The following AVPI1 variants were observed in gnomAD, a reference collection of about 807,000 sequenced individuals.
The protein encoded by AVPI1 is arginine vasopressin induced 1.
AVPI1 carries 9 observed loss-of-function variants against 11.9 expected under a neutral mutation model. That is an observed-to-expected ratio of 0.76 (90% confidence interval 0.46 to 1.32). AVPI1 has a LOEUF of 1.32. AVPI1 is among the 40% of genes most tolerant of loss of function. The probability of loss-of-function intolerance (pLI) is 0.00; values close to 1 mark genes in which losing one functional copy is unlikely to be tolerated. For missense variants in AVPI1, 207 were observed against 195.8 expected, an observed-to-expected ratio of 1.06 and a Z score of -0.34; for synonymous variants, 68 against 78.1, an observed-to-expected ratio of 0.87 and a Z score of 0.68.
chr10:97,680,280 T>C (rs1223920739), intron 1 of AVPI1, among the ~76,000 whole-genome samples: 3 of 152,154 alleles, frequency 2.0e-5, no homozygotes, highest in Non-Finnish European at 4.4e-5. Flanking sequence ...CAGTAGCAGC[T>C]CAACTGTGTT....
chr10:97,681,900 A>G (rs1461079174), intron 1 of AVPI1, among the ~76,000 whole-genome samples: 1 of 151,096 alleles, frequency 6.6e-6, no homozygotes, highest in Non-Finnish European at 1.5e-5. Context: ...AAAAGAAAAA[A>G]AAAAAAAAAA....
In AVPI1 at chr10:97,679,682, C is replaced by T. The variant is rs145546193; in HGVS notation, c.224G>A (p.Arg75His). ...HRVAEALKRL[R>H]RKRPPRQKPL... ...TTTCTGCCTTGGGGGCCTCTTCCTG[C>T]GCAGCCTCTTGAGGGCCTCAGCCAC... Residue 75 changes from arginine (R) to histidine (H), a missense_variant, in exon 2 of 3, where the codon CGC becomes CAC. By Grantham distance (29) the Arg-to-His change is conservative. Transcript: ENST00000370626. The T allele has an allele frequency of 1.9e-4, 309 of 1,613,972 alleles. 1 individual carries two copies. The highest frequency in any genetic ancestry group is 7.9e-4 in the South Asian group (72 of 91,048).
intron 1 of AVPI1, among the ~76,000 whole-genome samples, chr10:97,681,314 T>C (rs1301830672): frequency 6.6e-6 from 1 of 152,230 alleles, no homozygotes; most frequent in Non-Finnish European, 1.5e-5. Context: ...CTGGGCGTGG[T>C]GGCTCACACC....
At chr10:97,678,766 C>T (rs906768231) in intron 2 of AVPI1, among the ~76,000 whole-genome samples, 9 of 151,822 alleles carry the variant, frequency 5.9e-5, no homozygotes, top group African/African-American at 1.9e-4. Flanking sequence ...TAGCTTACTG[C>T]AGCCTCAAAC....
chr10:97,681,543 T>C (rs1262135013), intron 1 of AVPI1, among the ~76,000 whole-genome samples: 1 of 144,394 alleles, frequency 6.9e-6, no homozygotes, highest in African/African-American at 2.6e-5. Context: ...GATCCCGCCA[T>C]TGCACTCCAG....
chr10:97,679,558 C>A, intron 2 of AVPI1, 61 bp downstream of exon 2: 1 of 1,517,564 alleles, frequency 6.6e-7, no homozygotes, highest in East Asian at 2.4e-5. Flanking sequence ...GCCACACAGC[C>A]ATGCAGTGGT....
At position 97,679,002 on chromosome 10, in the gene AVPI1, TTCAGAGAC is replaced by T. The variant is rs1363407171; in HGVS notation, c.287+609_287+616del. Among the ~76,000 whole-genome samples the T allele has an allele frequency of 2.1e-5, 3 of 141,228 alleles. No homozygotes were observed. In the East Asian group the frequency reaches 6.2e-4, roughly 29 times the overall value. The allele number at this position is 141,228 out of a possible 152,430, so 92.7% of individuals were successfully genotyped here. A position where few individuals can be genotyped will look rare whatever the true frequency, so the allele number is the denominator to read the frequency against. ...GTGTGTGTGTGTGTGTGTGTGTGTT[TTCAGAGAC>T]AGGATCTCGCCATGTTGCCCAGGCT... On this transcript the variant is annotated intron_variant, in intron 2 of 2. Transcript: ENST00000370626.
intron 1 of AVPI1, 138 bp from the exon 2 acceptor site, chr10:97,680,053 T>A: frequency 2.4e-6 from 2 of 831,596 alleles, no homozygotes; most frequent in Non-Finnish European, 3.6e-6. Context: ...TTAAAATCAC[T>A]TAAGCACTTA....
At chr10:97,679,569 G>A in intron 2 of AVPI1, 50 bp downstream of exon 2, 1 of 1,540,396 alleles carries the variant, frequency 6.5e-7, no homozygotes, top group Non-Finnish European at 8.8e-7. Flanking sequence ...ATGCAGTGGT[G>A]GAACAGGCAT....
rs749235296 is a variant in AVPI1, at chr10:97,679,772, C to T, written c.134G>A (p.Arg45His). 1.1e-5 allele frequency: 17 copies of T among 1,613,944 alleles called. No homozygotes were observed. Among genetic ancestry groups the T allele is most frequent in the African/African-American group, 5.3e-5 (4 of 74,938 alleles). ...ELLQIQALFQ[R>H]SGDQLAEERA... Reference sequence around the variant, plus strand: ...TTCCTCGGCCAGCTGGTCCCCGCTGCGTTGAAACAGGGCTTGGATCTGCAG... The same window carrying T: ...TTCCTCGGCCAGCTGGTCCCCGCTGTGTTGAAACAGGGCTTGGATCTGCAG... The change falls in exon 2 of 3, where the codon CGC becomes CAC. Residue 45 changes from arginine to histidine, a missense_variant. Arg to His is a conservative substitution (Grantham distance 29). Coordinates refer to ENST00000370626, the MANE Select transcript of AVPI1 (RefSeq NM_021732.3).
chr10:97,684,945 A>G (rs1314816244), intron 1 of AVPI1, among the ~76,000 whole-genome samples: 2 of 152,234 alleles, frequency 1.3e-5, no homozygotes, highest in Non-Finnish European at 2.9e-5. Flanking sequence ...CACTTTTATT[A>G]TCAAAGGAAA....
In AVPI1 at chr10:97,679,633, G is replaced by A; in HGVS notation, c.273C>T (p.His91=). ...TAGGAACCTACCTGAGGCGGCTGCA[G>A]TGGTGTAGCGAGTGGCCCAGGGGTT... The part of the protein sequence containing the change: ...RQKPLGHSLH[H]CSRLRILEPH... The change falls in exon 2 of 3, where the codon CAC becomes CAT. Residue 91 remains histidine (H), a synonymous_variant. Transcript: ENST00000370626. 4 of 1,612,146 alleles carry A rather than the reference G, an allele frequency of 2.5e-6. No individual in the cohort carries two copies. The highest frequency in any genetic ancestry group is 3.4e-6 in the Non-Finnish European group (4 of 1,179,008).
At chr10:97,678,880 G>GGTGTGTGTGTGTGTGTGTGT (rs1255604041) in intron 2 of AVPI1, among the ~76,000 whole-genome samples, 1 of 113,444 alleles carries the variant, frequency 8.8e-6, no homozygotes, top group Non-Finnish European at 1.8e-5. Flanking sequence ...GCGGGGGGAG[G>GGTGTGTGTGTGTGTGTGTGT]GTGTGTGTGT....
At chr10:97,679,951 G>C in intron 1 of AVPI1, 36 bp from the exon 2 acceptor site, 2 of 1,490,392 alleles carry the variant, frequency 1.3e-6, no homozygotes, top group Non-Finnish European at 1.8e-6. Context: ...CATCAACTCA[G>C]CTGGTCCTTC....
intron 1 of AVPI1, among the ~76,000 whole-genome samples, chr10:97,685,489 T>A (rs563413022): frequency 6.6e-6 from 1 of 152,318 alleles, no homozygotes; most frequent in African/African-American, 2.4e-5. Flanking sequence ...TTGGGTGAGC[T>A]GGCAACTCCT....
rs66489128 is a variant in AVPI1, at chr10:97,678,684, TAA to T, written c.288-661_288-660del. Among the ~76,000 whole-genome samples the T allele has an allele frequency of 2.1e-3, 302 of 145,052 alleles. 1 individual carries two copies. Among genetic ancestry groups the T allele is most frequent in the African/African-American group, 5.9e-3 (235 of 39,902 alleles). On this transcript the variant is annotated intron_variant, in intron 2 of 2. Transcript: ENST00000370626. ...CCCCAGCCAAGATTTTAATTAGGCT[TAA>T]AAAAAAAAAAAAAAGAGAATCTCAC...
intron 1 of AVPI1, among the ~76,000 whole-genome samples, chr10:97,684,277 T>G (rs761589736): frequency 6.6e-6 from 1 of 152,128 alleles, no homozygotes; most frequent in Admixed American, 6.5e-5. Flanking sequence ...ATAAGGATCA[T>G]GTAGCAGCAG....
At chr10:97,681,499 T>C (rs1349178632) in intron 1 of AVPI1, among the ~76,000 whole-genome samples, 1 of 143,964 alleles carries the variant, frequency 6.9e-6, no homozygotes, top group African/African-American at 2.6e-5. Flanking sequence ...GGAGAATCAC[T>C]TGAACCCAGG....
Position 97,679,882 on chromosome 10 carries a change from G to C in AVPI1, c.24C>G (p.Val8=). 3.1e-6 allele frequency: 5 copies of C among 1,587,544 alleles called. No homozygotes were observed. The highest frequency in any genetic ancestry group is 3.4e-6 in the Non-Finnish European group (4 of 1,171,160). The change falls in exon 2 of 3, where the codon GTC becomes GTG. Residue 8 remains valine (V), a synonymous_variant. Coordinates refer to ENST00000370626, the MANE Select transcript of AVPI1 (RefSeq NM_021732.3). MGTPASV[V]SEPPPWQAPI... ...GGGCCTGCCAAGGGGGTGGCTCACT[G>C]ACCACCGAGGCTGGGGTACCCATTG...
Sources: allele counts gnomAD v4.1 joint callset (sites outside exome capture counted in the v4.1 genomes callset), GRCh38; gene constraint gnomAD v4.1.1; transcripts MANE v1.5; gene names NCBI Gene and HGNC (gene_info 2026-07-23, HGNC 2026-07-21).